LAMC3: variants seen among roughly 807,000 people sequenced by gnomAD.
LAMC3 encodes laminin subunit gamma-3.
Under a neutral mutation model 173.8 loss-of-function variants are expected in LAMC3, and 128 were observed. The ratio of observed to expected loss-of-function variants is 0.74; its 90% CI spans 0.64 to 0.85. LAMC3 has a LOEUF of 0.85. Ranked by LOEUF, LAMC3 falls within the 40% of genes least tolerant of loss-of-function variation. LAMC3 has a pLI of 0.00. For synonymous variants in LAMC3, 897 were observed against 909.1 expected (o/e 0.99, Z 0.24); for missense variants, 2,022 against 2,156.0 (o/e 0.94, Z 1.23).
rs1830119475 is a variant in LAMC3, at chr9:131,075,963, C to T, written c.3627C>T (p.Asp1209=). The change falls in exon 21 of 28, where the codon GAC becomes GAT. Residue 1209 remains aspartate (D), a splice_region_variant and synonymous_variant. Coordinates refer to ENST00000361069, the MANE Select transcript of LAMC3 (RefSeq NM_006059.4). ...VALETQRDLE[D]RYQEVQAAQK... ...TAGAGACCCAGCGGGACCTGGAGGA[C>T]AGGTGAGGCCTCCCCAGGTGTGGGT... 6.2e-7 allele frequency: 1 copy of T among 1,606,220 alleles called. No homozygotes were observed.
At position 131,075,882 on chromosome 9, in the gene LAMC3, C is replaced by T. The variant is rs754403099; in HGVS notation, c.3546C>T (p.Leu1182=). 3.8e-5 allele frequency: 62 copies of T among 1,612,362 alleles called. No homozygotes were observed. The highest frequency in any genetic ancestry group is 5.5e-5 in the South Asian group (5 of 90,862). Residue 1182 remains leucine (L), a synonymous_variant, in exon 21 of 28, where the codon CTC becomes CTT. Transcript: ENST00000361069. ...CAGCCACTGCTTGGAGGGCCCTGCT[C>T]GCCTCCAACACCAGCTACGCGCTTC... ...KIAATAWRAL[L]ASNTSYALLW...
intron 1 of LAMC3, among the ~76,000 whole-genome samples, chr9:131,017,065 GGATCT>G (rs1233866302): frequency 6.6e-6 from 1 of 152,212 alleles, no homozygotes; most frequent in Non-Finnish European, 1.5e-5. Context: ...AACAGGGTCC[GGATCT>G]GGGGGCGGCC....
Position 131,009,259 on chromosome 9 carries a change from G to A in LAMC3, c.45G>A (p.Pro15=). The part of the protein sequence containing the change: ...ALLLGLALLA[P]RAAGAGMGAC... ...TGCTGGGGCTGGCGCTGCTGGCACC[G>A]CGGGCGGCCGGCGCGGGCATGGGCG... The change falls in exon 1 of 28, where the codon CCG becomes CCA. Residue 15 remains proline (P), a synonymous_variant. Transcript: ENST00000361069. This position sits in a 1 kb window ranked among gnomAD's most constrained non-coding sequence, Gnocchi z 4.3. The A allele has an allele frequency of 7.7e-7, 1 of 1,298,860 alleles. No individual in the cohort carries two copies. Among genetic ancestry groups the A allele is most frequent in the Non-Finnish European group, 9.7e-7 (1 of 1,028,562 alleles). The allele number at this position is 1,298,860 out of a possible 1,614,324, so 80.5% of individuals were successfully genotyped here. A position where few individuals can be genotyped will look rare whatever the true frequency, so the allele number is the denominator to read the frequency against.
chr9:131,090,255 G>T (rs758242501), intron 27 of LAMC3, among the ~76,000 whole-genome samples: 2 of 152,234 alleles, frequency 1.3e-5, no homozygotes, highest in Non-Finnish European at 2.9e-5. Context: ...AACCATTCCT[G>T]CATTGTCACT....
At position 131,030,439 on chromosome 9, in the gene LAMC3, A is replaced by T. The variant is rs1310587297; in HGVS notation, c.679-1606A>T. Among the ~76,000 whole-genome samples the T allele has an allele frequency of 2.0e-5, 3 of 152,150 alleles. No individual in the cohort carries two copies. In the East Asian group the frequency reaches 5.8e-4, roughly 29 times the overall value. On this transcript the variant is annotated intron_variant, in intron 2 of 27. Coordinates refer to ENST00000361069, the MANE Select transcript of LAMC3 (RefSeq NM_006059.4). ...CAGGTCATTGCTGTCTCTGGGCCCCACTGGCATGATAAGGGCTTTGGGATA... is the reference window on the plus strand; with the variant it reads ...CAGGTCATTGCTGTCTCTGGGCCCCTCTGGCATGATAAGGGCTTTGGGATA...
chr9:131,073,587 T>C (rs182528149), intron 20 of LAMC3, among the ~76,000 whole-genome samples: 2 of 152,232 alleles, frequency 1.3e-5, no homozygotes, highest in East Asian at 1.9e-4. Context: ...TACAAGTTAT[T>C]ATATTGGGGG....
In LAMC3 at chr9:131,029,413, G is replaced by A. The variant is rs1352944129; in HGVS notation, c.679-2632G>A. On this transcript the variant is annotated intron_variant, in intron 2 of 27. Transcript: ENST00000361069. The surrounding 1 kb of genome is among the most constrained non-coding windows in gnomAD (Gnocchi z 4.6). ...AGGGCCGGCCCCCGCTCCCACCTGC[G>A]TCTGTGCAGCCACCACCGTGGGGAC... Among the ~76,000 whole-genome samples the A allele has an allele frequency of 1.3e-5, 2 of 152,180 alleles. No individual in the cohort carries two copies. The highest frequency in any genetic ancestry group is 6.5e-5 in the Admixed American group (1 of 15,284).
At chr9:131,077,424 C>A in intron 22 of LAMC3, 90 bp downstream of exon 22, 1 of 1,544,778 alleles carries the variant, frequency 6.5e-7, no homozygotes, top group South Asian at 1.1e-5. Flanking sequence ...CGCCTGTAAT[C>A]GCAGCACTTT....
In LAMC3 at chr9:131,053,404, G is replaced by C. The variant is rs557506829; in HGVS notation, c.1939+439G>C. Among the ~76,000 whole-genome samples the C allele has an allele frequency of 5.9e-5, 9 of 152,306 alleles. No homozygotes were observed. The East Asian group carries it at 1.4e-3, about 23-fold the overall frequency. ...ACCTAAGCCACCCTAGGAGGGTCTG[G>C]TCTTCCCAAAGAGGGGGCCAAGCCA... On this transcript the variant is annotated intron_variant, in intron 11 of 27. Coordinates refer to ENST00000361069, the MANE Select transcript of LAMC3 (RefSeq NM_006059.4).
At chr9:131,060,593 A>G (rs952389634) in intron 12 of LAMC3, among the ~76,000 whole-genome samples, 8 of 152,076 alleles carry the variant, frequency 5.3e-5, no homozygotes, top group Non-Finnish European at 7.4e-5. Context: ...GCAGTGAGCC[A>G]AATTGCACCA....
chr9:131,031,330 C>T (rs538002079), intron 2 of LAMC3, among the ~76,000 whole-genome samples: 1 of 152,332 alleles, frequency 6.6e-6, no homozygotes, highest in African/African-American at 2.4e-5. Flanking sequence ...CCACGCTCTT[C>T]CATGGGGAAG....
chr9:131,085,482 G>GTGA, intron 24 of LAMC3, 42 bp from the exon 25 acceptor site: 1 of 1,609,170 alleles, frequency 6.2e-7, no homozygotes, highest in Non-Finnish European at 8.5e-7. Flanking sequence ...CACCGGAGGT[G>GTGA]TGAGCCCAGT....
rs891966302 is a variant in LAMC3 at position 131,085,647 on chromosome 9, G to C, written c.4154G>C (p.Gly1385Ala). The C allele has an allele frequency of 1.9e-6, 3 of 1,614,046 alleles. No individual in the cohort carries two copies. The Admixed American group carries it at 5.0e-5, about 27-fold the overall frequency. Residue 1385 changes from glycine (G) to alanine (A), a missense_variant, in exon 25 of 28, where the codon GGA (glycine) becomes GCA (alanine). Physicochemically the swap from Gly to Ala is moderately conservative, Grantham distance 60. Transcript: ENST00000361069. ...ACCAAGCAGGCGGAGAGGATGCTGG[G>C]AAACGCGGCCCCTCTTTCCTCCAGT... ...KKTKQAERML[G>A]NAAPLSSSAK...
In LAMC3 at chr9:131,057,005, T is replaced by C. The variant is rs1372453457; in HGVS notation, c.2016T>C (p.Ile672=). Residue 672 remains isoleucine, a synonymous_variant, in exon 12 of 28, where the codon ATT becomes ATC. Transcript: ENST00000361069. ...GLSPPASWVE[I]CSCPTGYTGQ... is the part of the protein sequence containing the mutation. ...CCCCGCCAGCCTCCTGGGTGGAGAT[T>C]TGTTCATGTCCCACTGGCTACACGG... is the stretch of plus-strand genomic sequence containing the variant. The C allele has an allele frequency of 6.2e-7, 1 of 1,614,138 alleles. No homozygotes were observed. Among genetic ancestry groups the C allele is most frequent in the East Asian group, 2.2e-5 (1 of 44,880 alleles).
intron 24 of LAMC3, among the ~76,000 whole-genome samples, chr9:131,082,897 G>T (rs1018790848): frequency 2.0e-5 from 3 of 152,146 alleles, no homozygotes; most frequent in Non-Finnish European, 2.9e-5. Flanking sequence ...CCCACTGCCC[G>T]GAAGAGATGG....
chr9:131,090,864 T>C (rs572186340), intron 27 of LAMC3, among the ~76,000 whole-genome samples: 2 of 45,408 alleles, frequency 4.4e-5, no homozygotes, highest in Admixed American at 2.9e-4. Flanking sequence ...CTGTCTCTAC[T>C]AAAAATACAA....
At position 131,030,320 on chromosome 9, in the gene LAMC3, C is replaced by A. The variant is rs541024989; in HGVS notation, c.679-1725C>A. Among the ~76,000 whole-genome samples, 224 of 152,346 alleles carry A rather than the reference C, an allele frequency of 1.5e-3. 1 individual carries two copies. Among genetic ancestry groups the A allele is most frequent in the Non-Finnish European group, 2.7e-3 (187 of 68,040 alleles). On this transcript the variant is annotated intron_variant, in intron 2 of 27. Transcript: ENST00000361069. ...CTCTCTCCCAGCATCCATCCTATGTCTCAGAGATTTTGACCCCATTCCTTT... is the reference window on the plus strand; with the variant it reads ...CTCTCTCCCAGCATCCATCCTATGTATCAGAGATTTTGACCCCATTCCTTT...
intron 11 of LAMC3, 127 bp from the exon 12 acceptor site, chr9:131,056,802 A>T (rs1162827713): frequency 3.9e-6 from 3 of 778,690 alleles, no homozygotes; most frequent in Non-Finnish European, 6.8e-6. Context: ...AAAAAGAAAA[A>T]TCATTGATTG....
intron 16 of LAMC3, 148 bp from the exon 17 acceptor site, chr9:131,069,524 G>A (rs917429705): frequency 1.3e-6 from 1 of 774,478 alleles, no homozygotes; most frequent in African/African-American, 1.7e-5. Context: ...GAATCTCCAG[G>A]GAAGGGCCCA....
Sources: gnomAD v4.1 joint callset for allele counts (sites outside exome capture counted in the v4.1 genomes callset) on GRCh38, gnomAD v4.1.1 for gene constraint, Gnocchi (gnomAD v3.1) non-coding constraint, MANE v1.5 for transcripts, NCBI Gene and HGNC (gene_info 2026-07-23, HGNC 2026-07-21) for gene names.